The following ACACA variants were observed in gnomAD, a reference collection of about 807,000 sequenced individuals.
ACACA encodes the protein acetyl-CoA carboxylase alpha.
A neutral mutation model predicts 296.1 loss-of-function variants in ACACA; 103 were observed. That is an observed-to-expected ratio of 0.35 (90% CI 0.30 to 0.41). The LOEUF (loss-of-function observed/expected upper bound fraction) is 0.41, where lower values mean the gene tolerates loss of function less well. Among genes scored for constraint, ACACA ranks in the 10% least tolerant of loss-of-function variants. ACACA has a pLI of 1.00. For synonymous variants in ACACA, 953 were observed against 1,038.6 expected (o/e 0.92, Z 1.58); for missense variants, 1,554 against 2,989.7 (o/e 0.52, Z 11.20).
At chr17:37,406,160 T>C in intron 1 of ACACA, 102 bp downstream of exon 1, 3 of 1,341,354 alleles carry the variant, frequency 2.2e-6, no homozygotes, top group Non-Finnish European at 3.2e-6. Flanking sequence ...AGACCGTATG[T>C]GTAACCTGCT....
intron 41 of ACACA, among the ~76,000 whole-genome samples, chr17:37,163,472 T>C (rs571335369): frequency 6.6e-5 from 10 of 152,258 alleles, no homozygotes; most frequent in African/African-American, 2.4e-4. Context: ...AAATGGACTA[T>C]CACAGACACT....
intron 20 of ACACA, 108 bp from the exon 21 acceptor site, chr17:37,244,842 T>G (rs74553173): frequency 6.7e-7 from 1 of 1,494,226 alleles, no homozygotes; most frequent in East Asian, 2.3e-5. Context: ...CATACCCAGC[T>G]ACCAGGAGGG....
At chr17:37,253,521 T>G (rs998286906) in intron 14 of ACACA, among the ~76,000 whole-genome samples, 1 of 152,188 alleles carries the variant, frequency 6.6e-6, no homozygotes, top group Non-Finnish European at 1.5e-5. Flanking sequence ...TTCATGTGCA[T>G]TCAAGAGAGG....
chr17:37,172,966 A>T (rs1173482719), intron 41 of ACACA, among the ~76,000 whole-genome samples: 2 of 152,184 alleles, frequency 1.3e-5, no homozygotes, highest in Non-Finnish European at 2.9e-5. Flanking sequence ...TTTCTAACAC[A>T]TATCTAAAAG....
At chr17:37,160,378 ACGGATGCAG>A (rs1244175319) in intron 42 of ACACA, among the ~76,000 whole-genome samples, 1 of 152,228 alleles carries the variant, frequency 6.6e-6, no homozygotes, top group African/African-American at 2.4e-5. Context: ...TAAGGGCACA[ACGGATGCAG>A]GTACATGGAA....
At chr17:37,237,667 T>G (rs1188251786) in intron 24 of ACACA, among the ~76,000 whole-genome samples, 2 of 152,236 alleles carry the variant, frequency 1.3e-5, no homozygotes, top group East Asian at 3.8e-4. Flanking sequence ...TAGGATGTCT[T>G]TAACTTGATG....
At chr17:37,263,370 C>G (rs1377752843) in intron 11 of ACACA, among the ~76,000 whole-genome samples, 3 of 152,082 alleles carry the variant, frequency 2.0e-5, no homozygotes, top group Admixed American at 2.0e-4. Flanking sequence ...ATAAAACTAC[C>G]TGATTATGAG....
chr17:37,236,686 A>T (rs1443066971), intron 24 of ACACA, among the ~76,000 whole-genome samples: 1 of 152,064 alleles, frequency 6.6e-6, no homozygotes, highest in African/African-American at 2.4e-5. Flanking sequence ...TTAGCCAGGC[A>T]TGGTGGTACA....
chr17:37,274,183 A>G lies in ACACA; in HGVS notation c.1008+10T>C, dbSNP rs1232923663. On this transcript the variant is annotated intron_variant, in intron 9 of 55. Coordinates refer to ENST00000616317, the MANE Select transcript of ACACA (RefSeq NM_198834.3). ...CTGAAAGGTATCACTCCCTGGAGTTAGTAACCTACCTGTAGCCCATCATCC... is the reference window on the plus strand; with the variant it reads ...CTGAAAGGTATCACTCCCTGGAGTTGGTAACCTACCTGTAGCCCATCATCC... 1 of 1,605,636 alleles carries G rather than the reference A, an allele frequency of 6.2e-7. No individual in the cohort carries two copies. The highest frequency in any genetic ancestry group is 8.5e-7 in the Non-Finnish European group (1 of 1,172,254).
intron 41 of ACACA, among the ~76,000 whole-genome samples, chr17:37,178,892 G>T (rs2077218373): frequency 6.6e-6 from 1 of 152,096 alleles, no homozygotes; most frequent in Non-Finnish European, 1.5e-5. Context: ...CTATCACCTA[G>T]CTTCAATGAT....
chr17:37,180,897 ACAGGT>A (rs2077293419), intron 40 of ACACA, among the ~76,000 whole-genome samples: 1 of 152,222 alleles, frequency 6.6e-6, no homozygotes, highest in South Asian at 2.1e-4. Context: ...TGGGAAATAC[ACAGGT>A]AACTCTTCAC....
At chr17:37,390,367 G>A (rs1363592875) in intron 1 of ACACA, among the ~76,000 whole-genome samples, 2 of 107,908 alleles carry the variant, frequency 1.9e-5, no homozygotes, top group East Asian at 2.8e-4. Flanking sequence ...GGTGGCTCAC[G>A]CCTGTAATCC....
chr17:37,376,170 A>C, intron 1 of ACACA: 1 of 1,593,322 alleles, frequency 6.3e-7, no homozygotes, highest in Admixed American at 1.7e-5. Flanking sequence ...TCTCTAGCCT[A>C]ATCTCCTGGA....
In ACACA at chr17:37,087,231, C is replaced by A. The variant is rs1400028750; in HGVS notation, c.*85G>T. 3.1e-6 allele frequency: 5 copies of A among 1,587,826 alleles called. No individual in the cohort carries two copies. Among genetic ancestry groups the A allele is most frequent in the Non-Finnish European group, 2.6e-6 (3 of 1,158,638 alleles). ...GACTCCAGTGCTGGGTCTCCTGTGC[C>A]TTCTCATTACAGTGGTTACAGTTGT... On this transcript the variant is annotated 3_prime_UTR_variant, in exon 56 of 56. Transcript: ENST00000616317.
At chr17:37,300,838 C>A (rs991108479) in intron 3 of ACACA, among the ~76,000 whole-genome samples, 2 of 152,140 alleles carry the variant, frequency 1.3e-5, no homozygotes, top group African/African-American at 4.8e-5. Flanking sequence ...TGTGCCAATG[C>A]CCATTAAGTT....
intron 1 of ACACA, among the ~76,000 whole-genome samples, chr17:37,399,706 G>A (rs2051215944): frequency 6.6e-6 from 1 of 152,168 alleles, no homozygotes; most frequent in Non-Finnish European, 1.5e-5. Flanking sequence ...AAGCAGAAGA[G>A]ATGGGTAACG....
At chr17:37,221,615 G>A in intron 29 of ACACA, 109 bp downstream of exon 29, 1 of 940,788 alleles carries the variant, frequency 1.1e-6, no homozygotes, top group South Asian at 1.3e-5. Context: ...TTCATTTTTT[G>A]CCCTACATTT....
chr17:37,087,659 CAAAA>C (rs1053017386), intron 55 of ACACA, among the ~76,000 whole-genome samples: 1 of 151,996 alleles, frequency 6.6e-6, no homozygotes, highest in Admixed American at 6.6e-5. Context: ...AAACCCAAAA[CAAAA>C]CCCAAAAAAA....
At chr17:37,278,338 G>A (rs572703754) in intron 5 of ACACA, among the ~76,000 whole-genome samples, 8 of 152,202 alleles carry the variant, frequency 5.3e-5, no homozygotes, top group African/African-American at 1.7e-4. Context: ...ACTCTATTCC[G>A]AGAAAAAGTT....
Sources: allele counts gnomAD v4.1 joint callset (sites outside exome capture counted in the v4.1 genomes callset), GRCh38; gene constraint gnomAD v4.1.1; transcripts MANE v1.5; gene names NCBI Gene and HGNC (gene_info 2026-07-23, HGNC 2026-07-21).